The following NCOA2 variants were observed in gnomAD, a reference collection of about 807,000 sequenced individuals.
NCOA2 encodes the protein class E basic helix-loop-helix protein 75.
A neutral mutation model predicts 145.1 loss-of-function variants in NCOA2; 21 were observed. The ratio of observed to expected loss-of-function variants is 0.14; its 90% CI spans 0.10 to 0.21. The LOEUF (loss-of-function observed/expected upper bound fraction) is 0.21, where lower values mean the gene tolerates loss of function less well. Ranked by LOEUF, NCOA2 falls within the 10% of genes least tolerant of loss-of-function variation. NCOA2 has a pLI of 1.00. For missense variants in NCOA2, 1,472 were observed against 1,837.6 expected (o/e 0.80, Z 3.64); for synonymous variants, 619 against 637.5 (o/e 0.97, Z 0.44).
chr8:70,273,907 A>G (rs1017513312), intron 2 of NCOA2: 10 of 466,500 alleles, frequency 2.1e-5, no homozygotes, highest in African/African-American at 8.0e-5. Context: ...GGGAGCTGCT[A>G]TTTTATATTA....
chr8:70,441,594 AAGAG>A, the NCOA2 span, among the ~76,000 whole-genome samples: 1 of 151,366 alleles, frequency 6.6e-6, no homozygotes, highest in African/African-American at 2.4e-5. Flanking sequence ...AGAAAGAAAG[AAGAG>A]AGAGAGAAAG....
the NCOA2 span, among the ~76,000 whole-genome samples, chr8:70,441,800 GA>G: frequency 7.3e-6 from 1 of 137,004 alleles, no homozygotes; most frequent in African/African-American, 2.8e-5. Context: ...AAGAAAGAAA[GA>G]AAGAAAGAAA....
chr8:70,256,210 C>T (rs1823624224), intron 2 of NCOA2, among the ~76,000 whole-genome samples: 1 of 152,180 alleles, frequency 6.6e-6, no homozygotes. Flanking sequence ...GCTGCTTCCT[C>T]CCAGGTTTCT....
At chr8:70,311,692 C>A (rs990576616) in intron 1 of NCOA2, among the ~76,000 whole-genome samples, 8 of 152,178 alleles carry the variant, frequency 5.3e-5, no homozygotes, top group Non-Finnish European at 1.0e-4. Context: ...GAACATGCGT[C>A]AGAAGACCTG....
chr8:70,120,626 C>T (rs549707935), intron 22 of NCOA2, among the ~76,000 whole-genome samples: 2 of 152,238 alleles, frequency 1.3e-5, no homozygotes, highest in East Asian at 3.9e-4. Context: ...GAGGCTGAGG[C>T]AGGAGAGTTG....
intron 1 of NCOA2, among the ~76,000 whole-genome samples, chr8:70,376,856 C>T (rs1016100339): frequency 2.0e-5 from 3 of 152,290 alleles, no homozygotes; most frequent in South Asian, 2.1e-4. Flanking sequence ...TCAGGGCCGG[C>T]GCTAGGTAAG....
At chr8:70,273,630 G>T in intron 2 of NCOA2, 1 of 734,056 alleles carries the variant, frequency 1.4e-6, no homozygotes, top group Non-Finnish European at 2.5e-6. Context: ...ACCATTACAG[G>T]CTATACTGAG....
chr8:70,395,347 CT>C (rs1323451560), intron 1 of NCOA2, among the ~76,000 whole-genome samples: 2 of 152,184 alleles, frequency 1.3e-5, no homozygotes, highest in Non-Finnish European at 1.5e-5. Context: ...CCAGAACAGG[CT>C]GCTGGCACAA....
chr8:70,278,895 G>A (rs1173734160), intron 2 of NCOA2, among the ~76,000 whole-genome samples: 2 of 151,762 alleles, frequency 1.3e-5, no homozygotes, highest in Non-Finnish European at 1.5e-5. Flanking sequence ...GAACCTGGGA[G>A]GCAGACACTG....
At chr8:70,263,279 A>C (rs1824291848) in intron 2 of NCOA2, among the ~76,000 whole-genome samples, 1 of 150,108 alleles carries the variant, frequency 6.7e-6, no homozygotes. Context: ...TGGGCAGGAC[A>C]GAACAGGATG....
At chr8:70,255,890 C>T (rs1823597803) in intron 2 of NCOA2, among the ~76,000 whole-genome samples, 1 of 152,204 alleles carries the variant, frequency 6.6e-6, no homozygotes, top group Admixed American at 6.5e-5. Context: ...AAGATCTACA[C>T]ACAACAGCTT....
At chr8:70,382,840 T>C (rs547838362) in intron 1 of NCOA2, among the ~76,000 whole-genome samples, 7 of 152,332 alleles carry the variant, frequency 4.6e-5, no homozygotes, top group East Asian at 1.9e-4. Context: ...GGATCAGCCG[T>C]GTTAATAATA....
At chr8:70,374,719 T>C (rs1458482511) in intron 1 of NCOA2, among the ~76,000 whole-genome samples, 1 of 151,516 alleles carries the variant, frequency 6.6e-6, no homozygotes, top group Non-Finnish European at 1.5e-5. Flanking sequence ...GGAAGATCGC[T>C]TGAGCACAGG....
rs1398228335 is a variant in NCOA2 at position 70,128,902 on chromosome 8, G to T, written c.3403C>A (p.Gln1135Lys). ...MLEQKAPVFP[Q>K]QYASQAQMAQ... ...ATTTGTGCCTGAGATGCATACTGCT[G>T]TGGGAAAACGGGCGCCTTCTGCTCC... The change falls in exon 17 of 23, where the codon CAG becomes AAG. Residue 1135 changes from glutamine (Q) to lysine (K), a missense_variant. Around this residue, in one of 4 missense-constraint regions of NCOA2, gnomAD observed 953 missense variants for 1,062.1 expected, o/e 0.90. Coordinates refer to ENST00000452400, the MANE Select transcript of NCOA2 (RefSeq NM_006540.4). 1 of 1,613,432 alleles carries T rather than the reference G, an allele frequency of 6.2e-7. No homozygotes were observed. The highest frequency in any genetic ancestry group is 1.3e-5 in the African/African-American group (1 of 74,928).
In NCOA2 at chr8:70,314,582, T is replaced by C. The variant is rs548703849; in HGVS notation, c.-76-17782A>G. On this transcript the variant is annotated intron_variant, in intron 1 of 22. Coordinates refer to ENST00000452400, the MANE Select transcript of NCOA2 (RefSeq NM_006540.4). ...AAACTAGAACAAAATCCCTGAAACA[T>C]TGAAAAGTGAGGGTTTTGAAATGTT... 8.6e-4 allele frequency among the ~76,000 whole-genome samples: 131 copies of C among 152,264 alleles called. 1 individual carries two copies. Among genetic ancestry groups the C allele is most frequent in the Admixed American group, 2.4e-3 (37 of 15,292 alleles).
At chr8:70,290,350 G>A (rs1000121900) in intron 2 of NCOA2, among the ~76,000 whole-genome samples, 12 of 151,848 alleles carry the variant, frequency 7.9e-5, no homozygotes, top group Admixed American at 2.0e-4. Flanking sequence ...CACCACACCC[G>A]GCTAATTTTT....
chr8:70,338,833 C>T (rs910868477), intron 1 of NCOA2, among the ~76,000 whole-genome samples: 1 of 152,038 alleles, frequency 6.6e-6, no homozygotes, highest in African/African-American at 2.4e-5. Context: ...ACATAAACTG[C>T]ACTAAAGACA....
At chr8:70,417,285 A>G in the NCOA2 span, among the ~76,000 whole-genome samples, 5 of 146,964 alleles carry the variant, frequency 3.4e-5, no homozygotes, top group South Asian at 4.3e-4. Context: ...GCAGGGGCTC[A>G]TGCCTGTAAT....
chr8:70,373,855 T>G (rs73288557), intron 1 of NCOA2, among the ~76,000 whole-genome samples: 5,563 of 152,288 alleles, frequency 0.037, 357 homozygotes, highest in African/African-American at 0.13. Flanking sequence ...TCTGCTCCAT[T>G]GATCTATATG....
Sources: gnomAD v4.1 joint callset for allele counts (sites outside exome capture counted in the v4.1 genomes callset) on GRCh38, gnomAD v4.1.1 for gene constraint, gnomAD v4.1.1 regional missense constraint, MANE v1.5 for transcripts, NCBI Gene and HGNC (gene_info 2026-07-23, HGNC 2026-07-21) for gene names.